KIF3C: variants seen among roughly 807,000 people sequenced by gnomAD.
The protein encoded by KIF3C is kinesin family member 3C, also known as kinesin-like protein KIF3C.
In KIF3C, 12 loss-of-function variants were observed where a neutral mutation model predicts 67.7. The ratio of observed to expected loss-of-function variants is 0.18; its 90% CI spans 0.11 to 0.29. The LOEUF (loss-of-function observed/expected upper bound fraction) is 0.29. Ranked by LOEUF, KIF3C falls within the 10% of genes least tolerant of loss-of-function variation. The pLI, the probability that KIF3C is intolerant of heterozygous loss-of-function variation, is 1.00. For missense variants in KIF3C, 789 were observed against 1,059.6 expected (o/e 0.74, Z 3.55); for synonymous variants, 393 against 426.2 (o/e 0.92, Z 0.96).
At chr2:25,953,929 AG>A (rs1438656118) in intron 4 of KIF3C, among the ~76,000 whole-genome samples, 3 of 151,998 alleles carry the variant, frequency 2.0e-5, no homozygotes, top group African/African-American at 7.3e-5. Flanking sequence ...CGGCTCCCAA[AG>A]TGCTGGGATT....
intron 5 of KIF3C, among the ~76,000 whole-genome samples, chr2:25,942,656 C>T (rs1235590106): frequency 2.6e-5 from 4 of 152,156 alleles, no homozygotes; most frequent in South Asian, 4.2e-4. Context: ...GTGATCTGCC[C>T]GCCTTGGCCT....
At chr2:25,939,252 G>A (rs1264317482) in intron 5 of KIF3C, among the ~76,000 whole-genome samples, 8 of 152,174 alleles carry the variant, frequency 5.3e-5, no homozygotes, top group African/African-American at 9.7e-5. Flanking sequence ...ACAGGTGTGA[G>A]CCACCGCGGC....
At chr2:25,954,501 G>A in intron 3 of KIF3C, 116 bp from the exon 4 acceptor site, 1 of 729,982 alleles carries the variant, frequency 1.4e-6, no homozygotes, top group South Asian at 1.7e-5. Context: ...CCAGGATGAG[G>A]CTGCGGGTCC....
rs1664534879 is a variant in KIF3C, at chr2:25,980,448, C to T, written c.1470G>A (p.Leu490=). ...SLVSEEKQKL[L]EEKEKMLEDL... is the part of the protein sequence containing the mutation. ...CCTCCAGCATCTTCTCCTTCTCCTC[C>T]AGCAGCTTCTGCTTCTCCTCGCTCA... The change falls in exon 1 of 8, where the codon CTG becomes CTA. Residue 490 remains leucine, a synonymous_variant. Coordinates refer to ENST00000264712, the MANE Select transcript of KIF3C (RefSeq NM_002254.8). This position sits in a 1 kb window ranked among gnomAD's most constrained non-coding sequence, Gnocchi z 7.6. 1.2e-6 allele frequency: 2 copies of T among 1,614,026 alleles called. No individual in the cohort carries two copies. Among genetic ancestry groups the T allele is most frequent in the African/African-American group, 1.3e-5 (1 of 74,922 alleles).
At chr2:25,973,911 C>T (rs893234891) in intron 1 of KIF3C, among the ~76,000 whole-genome samples, 2 of 152,144 alleles carry the variant, frequency 1.3e-5, no homozygotes, top group African/African-American at 2.4e-5. Context: ...CTCTGAAGCG[C>T]CTTGAATGCC....
At chr2:25,932,136 G>A (rs556506282) in intron 5 of KIF3C, among the ~76,000 whole-genome samples, 8 of 151,618 alleles carry the variant, frequency 5.3e-5, no homozygotes, top group Non-Finnish European at 1.2e-4. Context: ...CGAATAGCTG[G>A]TATTACAGGC....
chr2:25,931,248 G>C (rs1286005650), intron 5 of KIF3C, among the ~76,000 whole-genome samples: 1 of 151,934 alleles, frequency 6.6e-6, no homozygotes, highest in Non-Finnish European at 1.5e-5. Context: ...CCTGAGGTCA[G>C]TAGTTCGAGA....
chr2:25,943,528 T>A (rs1269232099), intron 5 of KIF3C, among the ~76,000 whole-genome samples: 4 of 152,332 alleles, frequency 2.6e-5, no homozygotes, highest in South Asian at 2.1e-4. Context: ...AGAGTAATTT[T>A]AAAAACTTGT....
chr2:25,980,499 T>C lies in KIF3C; in HGVS notation c.1419A>G (p.Ala473=). ...EQKERLEEEK[A]AIQDDRSLVS... is the part of the protein sequence containing the mutation. Reference sequence around the variant, plus strand: ...CCAGGCTGCGGTCATCCTGGATGGCTGCCTTCTCCTCCTCCAGCCGCTCCT... The same window carrying C: ...CCAGGCTGCGGTCATCCTGGATGGCCGCCTTCTCCTCCTCCAGCCGCTCCT... Residue 473 remains alanine (A), a synonymous_variant, in exon 1 of 8, where the codon GCA becomes GCG. Transcript: ENST00000264712. The surrounding 1 kb of genome is among the most constrained non-coding windows in gnomAD (Gnocchi z 7.6). The C allele has an allele frequency of 6.2e-7, 1 of 1,614,150 alleles. No homozygotes were observed. The highest frequency in any genetic ancestry group is 1.1e-5 in the South Asian group (1 of 91,086).
At chr2:25,954,073 G>T in intron 4 of KIF3C, 194 bp downstream of exon 4, 1 of 615,134 alleles carries the variant, frequency 1.6e-6, no homozygotes, top group Non-Finnish European at 2.9e-6. Context: ...CCATTTTGAG[G>T]GGTTCATCAA....
At position 25,980,665 on chromosome 2, in the gene KIF3C, G is replaced by T; in HGVS notation, c.1253C>A (p.Pro418Gln). Residue 418 changes from proline to glutamine, a missense_variant, in exon 1 of 8, where the codon CCG (proline) becomes CAG (glutamine). Pro to Gln is a moderately conservative substitution (Grantham distance 76, BLOSUM62 -1). Around this residue, in one of 2 missense-constraint regions of KIF3C, gnomAD observed 648 missense variants for 807.8 expected, o/e 0.80. Transcript: ENST00000264712. This position sits in a 1 kb window ranked among gnomAD's most constrained non-coding sequence, Gnocchi z 7.6. ...SSRRKKAVSA[P>Q]PGYPEGPVIE... ...CACTGGGCCCTCAGGGTACCCAGGC[G>T]GGGCGGACACGGCCTTCTTCCTGCG... is the stretch of plus-strand genomic sequence containing the variant. 6.2e-7 allele frequency: 1 copy of T among 1,614,018 alleles called. No homozygotes were observed. Among genetic ancestry groups the T allele is most frequent in the Non-Finnish European group, 8.5e-7 (1 of 1,180,030 alleles).
intron 1 of KIF3C, among the ~76,000 whole-genome samples, chr2:25,973,986 T>C (rs1664345507): frequency 6.6e-6 from 1 of 152,242 alleles, no homozygotes; most frequent in Non-Finnish European, 1.5e-5. Context: ...TATTAGGTGG[T>C]TTGACATAGC....
chr2:25,939,794 A>C (rs1663237823), intron 5 of KIF3C, among the ~76,000 whole-genome samples: 1 of 151,890 alleles, frequency 6.6e-6, no homozygotes. Context: ...CTACTAAAAT[A>C]CAAAAATTAG....
intron 5 of KIF3C, among the ~76,000 whole-genome samples, chr2:25,947,317 T>C (rs1455662057): frequency 6.6e-6 from 1 of 152,046 alleles, no homozygotes; most frequent in Non-Finnish European, 1.5e-5. Context: ...CGCAGTGGCT[T>C]GTGCCTGTAA....
Position 25,929,867 on chromosome 2 carries a change from C to T in KIF3C, c.2115+88G>A, listed in dbSNP as rs1430509833. On this transcript the variant is annotated intron_variant, in intron 6 of 7. Coordinates refer to ENST00000264712, the MANE Select transcript of KIF3C (RefSeq NM_002254.8). ...CTGACCTCAGGTGATCCACCTGCCT[C>T]GGCCTCCCACAGTGCTGGGATTACA... 4.2e-5 allele frequency: 38 copies of T among 895,890 alleles called. No individual in the cohort carries two copies. In the East Asian group the frequency reaches 7.5e-4, roughly 18 times the overall value. 55.5% of individuals were successfully genotyped at this position (895,890 alleles called of 1,614,324 possible). A position where few individuals can be genotyped will look rare whatever the true frequency, so the allele number is the denominator to read the frequency against.
chr2:25,980,327 C>A lies in KIF3C; in HGVS notation c.1545+46G>T, dbSNP rs1414717546. 4 of 1,488,286 alleles carry A rather than the reference C, an allele frequency of 2.7e-6. No homozygotes were observed. The highest frequency in any genetic ancestry group is 1.9e-5 in the Admixed American group (1 of 52,470). The allele number at this position is 1,488,286 out of a possible 1,614,324, so 92.2% of individuals were successfully genotyped here. A position where few individuals can be genotyped will look rare whatever the true frequency, so the allele number is the denominator to read the frequency against. On this transcript the variant is annotated intron_variant, in intron 1 of 7. Transcript: ENST00000264712. This position sits in a 1 kb window ranked among gnomAD's most constrained non-coding sequence, Gnocchi z 7.6. ...CAAAGAAGAGCCTCCTTGCCGGGAT[C>A]CCCTGCGGGGACATCTCGAGTGCCC... is the stretch of plus-strand genomic sequence containing the variant.
At chr2:25,962,464 C>G (rs1291808450) in intron 1 of KIF3C, among the ~76,000 whole-genome samples, 1 of 151,722 alleles carries the variant, frequency 6.6e-6, no homozygotes, top group East Asian at 1.9e-4. Context: ...ACGCAACCTC[C>G]ACCTCCTGGG....
intron 4 of KIF3C, among the ~76,000 whole-genome samples, chr2:25,952,854 T>TC (rs1461746758): frequency 7.0e-4 from 106 of 152,026 alleles, no homozygotes; most frequent in African/African-American, 2.5e-3. Context: ...CAGCAAATTG[T>TC]ATATTTTAAA....
At chr2:25,952,560 T>C (rs1559552546) in intron 4 of KIF3C, among the ~76,000 whole-genome samples, 5 of 89,298 alleles carry the variant, frequency 5.6e-5, no homozygotes, top group African/African-American at 2.5e-4. Context: ...TATATATATA[T>C]ATATTTTTTT....
Sources: gnomAD v4.1 joint callset for allele counts (sites outside exome capture counted in the v4.1 genomes callset) on GRCh38, gnomAD v4.1.1 for gene constraint, gnomAD v4.1.1 regional missense constraint, Gnocchi (gnomAD v3.1) non-coding constraint, MANE v1.5 for transcripts, NCBI Gene and HGNC (gene_info 2026-07-23, HGNC 2026-07-21) for gene names.